ERBIN: variants seen among roughly 807,000 people sequenced by gnomAD.
ERBIN encodes erbb2 interacting protein.
A neutral mutation model predicts 158.4 loss-of-function variants in ERBIN; 60 were observed. The ratio of observed to expected loss-of-function variants is 0.38; its 90% CI spans 0.31 to 0.47. The LOEUF (loss-of-function observed/expected upper bound fraction) is 0.47. ERBIN is among the 20% of genes least tolerant of loss of function. ERBIN has a pLI of 0.99. For synonymous variants in ERBIN, 594 were observed against 557.2 expected, an observed-to-expected ratio of 1.07 and a Z score of -0.93; for missense variants, 1,610 against 1,648.0, an observed-to-expected ratio of 0.98 and a Z score of 0.40.
At chr5:65,996,858 A>G in intron 4 of ERBIN, among the ~76,000 whole-genome samples, 1 of 152,150 alleles carries the variant, frequency 6.6e-6, no homozygotes, top group Non-Finnish European at 1.5e-5. Flanking sequence ...AGTTAAATTT[A>G]TTTCTAAGTA....
chr5:66,039,938 A>G (rs1177772649), intron 15 of ERBIN, among the ~76,000 whole-genome samples: 1 of 151,956 alleles, frequency 6.6e-6, no homozygotes, highest in Non-Finnish European at 1.5e-5. Flanking sequence ...TGAAATAATA[A>G]CTTATCAAAG....
In ERBIN at chr5:66,050,848, A is replaced by G; in HGVS notation, c.1969A>G (p.Asn657Asp). The G allele has an allele frequency of 4.4e-6, 7 of 1,601,164 alleles. No homozygotes were observed. Among genetic ancestry groups the G allele is most frequent in the Non-Finnish European group, 6.0e-6 (7 of 1,174,460 alleles). ...ACACAATAGCAATCAGAATAACAGCAATTGTTCTTCTCCATCTCGGATGTC... is the reference window on the plus strand; with the variant it reads ...ACACAATAGCAATCAGAATAACAGCGATTGTTCTTCTCCATCTCGGATGTC... ...VTHNSNQNNSNCSSPSRMSDS... is the reference protein window; with the variant it reads ...VTHNSNQNNSDCSSPSRMSDS... The change falls in exon 20 of 26, where the codon AAT (asparagine) becomes GAT (aspartate). Residue 657 changes from asparagine (N) to aspartate (D), a missense_variant. Physicochemically the swap from Asn to Asp is conservative, Grantham distance 23. Around this residue, in one of 2 missense-constraint regions of ERBIN, gnomAD observed 1,014 missense variants for 936.1 expected, o/e 1.08. Coordinates refer to ENST00000284037, the MANE Select transcript of ERBIN (RefSeq NM_001253697.2).
At chr5:66,026,010 C>G (rs1453162231) in intron 12 of ERBIN, 33 bp downstream of exon 12, 2 of 1,537,330 alleles carry the variant, frequency 1.3e-6, no homozygotes, top group Admixed American at 2.2e-5. Context: ...AGATTTTTGT[C>G]TTTTCATTTT....
chr5:66,043,104 T>C lies in ERBIN; in HGVS notation c.1334T>C (p.Phe445Ser), dbSNP rs759281396. 5.6e-6 allele frequency: 9 copies of C among 1,607,854 alleles called. 1 individual carries two copies. The highest frequency in any genetic ancestry group is 5.0e-5 in the Admixed American group (3 of 59,918). ...ATGTTTATATCAGATAATGAAAGTT[T>C]TAACCCTTCATTGTGGGAGGAACAG... ...DVMFISDNES[F>S]NPSLWEEQRK... The change falls in exon 16 of 26, where the codon TTT becomes TCT. Residue 445 changes from phenylalanine (F) to serine (S), a missense_variant. Coordinates refer to ENST00000284037, the MANE Select transcript of ERBIN (RefSeq NM_001253697.2).
intron 14 of ERBIN, among the ~76,000 whole-genome samples, chr5:66,030,141 C>G (rs1756704273): frequency 6.6e-6 from 1 of 152,058 alleles, no homozygotes; most frequent in African/African-American, 2.4e-5. Flanking sequence ...CGGGCTCAAG[C>G]AATTCTCCTG....
chr5:65,957,294 C>T (rs1047031650), intron 1 of ERBIN, among the ~76,000 whole-genome samples: 1 of 151,510 alleles, frequency 6.6e-6, no homozygotes, highest in Non-Finnish European at 1.5e-5. Context: ...CACAGGACAA[C>T]AGTGGAGGGA....
At position 65,942,134 on chromosome 5, in the gene ERBIN, C is replaced by T. The variant is rs148791535; in HGVS notation, c.-58+15328C>T. ...TTTTCCTCATACTCACTCACTATCA[C>T]TGTAAATGACTAGTCTGGAGTACCA... On this transcript the variant is annotated intron_variant, in intron 1 of 25. Transcript: ENST00000284037. Among the ~76,000 whole-genome samples, 153 of 152,326 alleles carry T rather than the reference C, an allele frequency of 1.0e-3. 1 individual carries two copies. In the East Asian group the frequency reaches 0.028, roughly 28 times the overall value.
chr5:65,957,509 G>A (rs1468261440), intron 1 of ERBIN, among the ~76,000 whole-genome samples: 2 of 152,038 alleles, frequency 1.3e-5, no homozygotes, highest in Non-Finnish European at 2.9e-5. Context: ...GACACAGCAC[G>A]TTTCAGAGAG....
At chr5:66,038,743 T>C (rs868789923) in intron 15 of ERBIN, among the ~76,000 whole-genome samples, 11 of 152,072 alleles carry the variant, frequency 7.2e-5, no homozygotes, top group Admixed American at 2.0e-4. Context: ...AACATTTAGC[T>C]GTATGCTAGG....
intron 1 of ERBIN, among the ~76,000 whole-genome samples, chr5:65,963,672 GTTCC>G (rs1176921861): frequency 6.6e-6 from 1 of 152,064 alleles, no homozygotes; most frequent in Non-Finnish European, 1.5e-5. Flanking sequence ...AGAATGTATT[GTTCC>G]TTTACAAATG....
At chr5:65,994,001 G>A (rs906608625) in intron 3 of ERBIN, among the ~76,000 whole-genome samples, 1 of 152,076 alleles carries the variant, frequency 6.6e-6, no homozygotes, top group Non-Finnish European at 1.5e-5. Context: ...TATACATACT[G>A]GATGACAGTA....
Position 65,994,728 on chromosome 5 carries a change from T to A in ERBIN, c.190-19T>A. ...AAAGATGTATATAATTGACATTCTTTCCTCCCTTTTTTCAATAGCAACTTT... is the reference window on the plus strand; with the variant it reads ...AAAGATGTATATAATTGACATTCTTACCTCCCTTTTTTCAATAGCAACTTT... On this transcript the variant is annotated intron_variant, in intron 3 of 25. Transcript: ENST00000284037. 7.4e-7 allele frequency: 1 copy of A among 1,347,126 alleles called. No individual in the cohort carries two copies. The highest frequency in any genetic ancestry group is 1.0e-6 in the Non-Finnish European group (1 of 956,208). 83.4% of individuals were successfully genotyped at this position (1,347,126 alleles called of 1,614,324 possible).
At chr5:66,042,421 T>A (rs1381927840) in intron 15 of ERBIN, among the ~76,000 whole-genome samples, 1 of 152,046 alleles carries the variant, frequency 6.6e-6, no homozygotes, top group Non-Finnish European at 1.5e-5. Context: ...CAGAAGTGTT[T>A]CAGGTTTTGA....
Position 65,928,384 on chromosome 5 carries a change from G to A in ERBIN, c.-58+1578G>A, listed in dbSNP as rs184167499. Among the ~76,000 whole-genome samples, 23 of 152,128 alleles carry A rather than the reference G, an allele frequency of 1.5e-4. No homozygotes were observed. In the East Asian group the frequency reaches 4.4e-3, roughly 29 times the overall value. Reference sequence around the variant, plus strand: ...GAACGTATCATTAGGCTGCAAAAGAGGTTATTCTTGGGCATCTGAAAGAGG... The same window carrying A: ...GAACGTATCATTAGGCTGCAAAAGAAGTTATTCTTGGGCATCTGAAAGAGG... On this transcript the variant is annotated intron_variant, in intron 1 of 25. Transcript: ENST00000284037.
At chr5:66,033,267 C>T (rs1017455997) in intron 14 of ERBIN, among the ~76,000 whole-genome samples, 1 of 152,106 alleles carries the variant, frequency 6.6e-6, no homozygotes, top group Non-Finnish European at 1.5e-5. Flanking sequence ...AGCCCATGAT[C>T]GTAATTAACT....
chr5:65,940,879 G>A (rs1292888828), intron 1 of ERBIN, among the ~76,000 whole-genome samples: 3 of 151,948 alleles, frequency 2.0e-5, no homozygotes, highest in Non-Finnish European at 4.4e-5. Context: ...TAGAAAGGGG[G>A]GAAAGGCGGG....
rs565927102 is a variant in ERBIN at position 66,065,269 on chromosome 5, T to C, written c.3634-6900T>C. 5.3e-5 allele frequency among the ~76,000 whole-genome samples: 8 copies of C among 152,324 alleles called. No individual in the cohort carries two copies. In the East Asian group the frequency reaches 1.5e-3, roughly 29 times the overall value. On this transcript the variant is annotated intron_variant, in intron 21 of 25. Transcript: ENST00000284037. ...GTGTGTTTTTAAGAGACTGAAAAGA[T>C]ACATTGTTTTAAGTAATGTTAAATT...
intron 4 of ERBIN, among the ~76,000 whole-genome samples, chr5:66,005,472 A>G (rs1753484360): frequency 6.6e-6 from 1 of 152,190 alleles, no homozygotes; most frequent in Non-Finnish European, 1.5e-5. Context: ...CACCATATGG[A>G]TATTTAAAGC....
chr5:65,940,660 C>G (rs796473684), intron 1 of ERBIN, among the ~76,000 whole-genome samples: 8,509 of 24,908 alleles, frequency 0.34, 621 homozygotes, highest in Non-Finnish European at 0.42. Flanking sequence ...GTCAGCCCCC[C>G]GCCCGGCCAG....
Sources: allele counts gnomAD v4.1 joint callset (sites outside exome capture counted in the v4.1 genomes callset), GRCh38; gene constraint gnomAD v4.1.1; regional missense constraint gnomAD v4.1.1; transcripts MANE v1.5; gene names NCBI Gene and HGNC (gene_info 2026-07-23, HGNC 2026-07-21).